The following ZNF44 variants were observed in gnomAD, a reference collection of about 807,000 sequenced individuals.
ZNF44 encodes the protein gonadotropin inducible transcription repressor-2.
ZNF44 carries 9 observed loss-of-function variants against 11.7 expected under a neutral mutation model. That is an observed-to-expected ratio of 0.77 (90% CI 0.46 to 1.35). ZNF44 has a LOEUF of 1.35. ZNF44 is among the 40% of genes most tolerant of loss of function. The probability of loss-of-function intolerance (pLI) is 0.00; values close to 1 mark genes in which losing one functional copy is unlikely to be tolerated. For synonymous variants in ZNF44, 224 were observed against 242.7 expected (o/e 0.92, Z 0.72); for missense variants, 696 against 743.1 (o/e 0.94, Z 0.74).
downstream of ZNF44, among the ~76,000 whole-genome samples, chr19:12,225,801 G>A: frequency 6.6e-6 from 1 of 152,182 alleles, no homozygotes. Flanking sequence ...GACTGAATAG[G>A]ATGAGTAATT....
exon 8 of ZNF44, chr19:12,248,567 C>A (rs1482536598): frequency 7.7e-7 from 1 of 1,291,976 alleles, no homozygotes; most frequent in African/African-American, 1.5e-5. Flanking sequence ...TTTCCCAAAG[C>A]TTTCCTCCAG....
chr19:12,245,554 ATGT>A (rs1916746834), downstream of ZNF44, among the ~76,000 whole-genome samples: 1 of 152,204 alleles, frequency 6.6e-6, no homozygotes, highest in Non-Finnish European at 1.5e-5. Context: ...ACAAGCCCCC[ATGT>A]TGTTCTATGT....
At chr19:12,233,725 C>G (rs982290991) in intron 2 of ZNF44, among the ~76,000 whole-genome samples, 2 of 152,120 alleles carry the variant, frequency 1.3e-5, no homozygotes, top group Non-Finnish European at 2.9e-5. Flanking sequence ...TCCACACCAA[C>G]TACCCTACTT....
intron 5 of ZNF44, among the ~76,000 whole-genome samples, chr19:12,264,241 G>C (rs980265907): frequency 6.6e-6 from 1 of 152,124 alleles, no homozygotes; most frequent in Non-Finnish European, 1.5e-5. Context: ...GTACCAAAGG[G>C]GTCTTTCCTT....
chr19:12,294,556 C>T, intron 1 of ZNF44, 136 bp downstream of exon 1: 4 of 1,254,694 alleles, frequency 3.2e-6, no homozygotes, highest in Non-Finnish European at 4.3e-6. Context: ...GGACCGAGGA[C>T]CGAGGTGCGC....
intron 5 of ZNF44, among the ~76,000 whole-genome samples, chr19:12,253,344 C>A (rs370366915): frequency 6.6e-6 from 1 of 151,802 alleles, no homozygotes; most frequent in Non-Finnish European, 1.5e-5. Context: ...CACATGCCAC[C>A]ACACCTGGCT....
intron 5 of ZNF44, among the ~76,000 whole-genome samples, chr19:12,256,697 CTTTTTTT>C (rs950614463): frequency 4.9e-5 from 5 of 102,814 alleles, no homozygotes; most frequent in African/African-American, 2.4e-4. Flanking sequence ...AGCAATTACT[CTTTTTTT>C]TTTTTTTTTT....
At chr19:12,257,848 G>A (rs1398419493) in intron 5 of ZNF44, among the ~76,000 whole-genome samples, 1 of 150,488 alleles carries the variant, frequency 6.6e-6, no homozygotes, top group Non-Finnish European at 1.5e-5. Context: ...GTGCACGCCT[G>A]TAATCCCAGC....
chr19:12,260,716 A>G (rs1469738460), intron 5 of ZNF44, among the ~76,000 whole-genome samples: 1 of 152,172 alleles, frequency 6.6e-6, no homozygotes, highest in Non-Finnish European at 1.5e-5. Flanking sequence ...CAGCTCCCCA[A>G]TTCCAAGGAA....
chr19:12,282,533 T>C (rs183290800), intron 1 of ZNF44, among the ~76,000 whole-genome samples: 28 of 150,840 alleles, frequency 1.9e-4, no homozygotes, highest in Non-Finnish European at 2.9e-4. Context: ...ACAATTCTCC[T>C]GCCTCAGCCT....
At chr19:12,277,666 T>C (rs535816501) in intron 1 of ZNF44, among the ~76,000 whole-genome samples, 2 of 152,282 alleles carry the variant, frequency 1.3e-5, no homozygotes, top group Non-Finnish European at 2.9e-5. Flanking sequence ...CCTTGTATTG[T>C]TTTTTCTTTG....
At chr19:12,238,832 C>G (rs950953654), upstream of ZNF44, among the ~76,000 whole-genome samples, 2 of 152,058 alleles carry the variant, frequency 1.3e-5, no homozygotes, top group Non-Finnish European at 2.9e-5. Context: ...TTAACTAGCT[C>G]AGATAAGCAT....
At chr19:12,261,615 C>T (rs1449038992) in intron 5 of ZNF44, among the ~76,000 whole-genome samples, 1 of 152,138 alleles carries the variant, frequency 6.6e-6, no homozygotes, top group African/African-American at 2.4e-5. Flanking sequence ...GATGACAGAG[C>T]AAGACCATGT....
intron 3 of ZNF44, among the ~76,000 whole-genome samples, chr19:12,229,637 T>A (rs2459022): frequency 0.42 from 62,806 of 151,248 alleles, 17,539 homozygotes; most frequent in African/African-American, 0.81. Context: ...TTTTTGAGAC[T>A]TTGTCTTGCT....
intron 1 of ZNF44, among the ~76,000 whole-genome samples, chr19:12,280,526 C>A (rs1967434681): frequency 6.6e-6 from 1 of 151,342 alleles, no homozygotes; most frequent in South Asian, 2.1e-4. Flanking sequence ...GGAAAAAGGG[C>A]AGAAAAGAGA....
chr19:12,242,324 C>T (rs1297934285), upstream of ZNF44, among the ~76,000 whole-genome samples: 2 of 151,280 alleles, frequency 1.3e-5, no homozygotes, highest in African/African-American at 4.9e-5. Context: ...TCCTGGCTAA[C>T]ACAGTGAAAC....
exon 8 of ZNF44, chr19:12,248,012 A>G: frequency 4.5e-6 from 6 of 1,339,876 alleles, no homozygotes; most frequent in Non-Finnish European, 5.9e-6. Context: ...ACACTTTCCC[A>G]CATTTTTTAC....
At chr19:12,288,282 G>C (rs1967845958) in intron 1 of ZNF44, among the ~76,000 whole-genome samples, 2 of 152,256 alleles carry the variant, frequency 1.3e-5, no homozygotes, top group Middle Eastern at 3.4e-3. Flanking sequence ...AAGGTTATCA[G>C]TTTGTTATAA....
chr19:12,284,271 A>T (rs957305938), intron 1 of ZNF44: 3 of 418,818 alleles, frequency 7.2e-6, no homozygotes, highest in East Asian at 1.0e-4. Context: ...GATAATACAT[A>T]ATCACATGGA....
Sources: allele counts gnomAD v4.1 joint callset (sites outside exome capture counted in the v4.1 genomes callset), GRCh38; gene constraint gnomAD v4.1.1; transcripts MANE v1.5; gene names NCBI Gene and HGNC (gene_info 2026-07-23, HGNC 2026-07-21).